Variants in CSMD1 observed in about 807,000 individuals in gnomAD.
The protein encoded by CSMD1 is CUB and sushi domain-containing protein 1.
Under a neutral mutation model 417.5 loss-of-function variants are expected in CSMD1, and 213 were observed. The observed-to-expected ratio is 0.51, with a 90% CI of 0.46 to 0.57. The LOEUF (loss-of-function observed/expected upper bound fraction) is 0.57. Ranked by LOEUF, CSMD1 falls within the 20% of genes least tolerant of loss-of-function variation. CSMD1 has a pLI of 0.00. For synonymous variants in CSMD1, 2,862 were observed against 1,736.8 expected (o/e 1.65, Z -16.11); for missense variants, 6,923 against 4,529.7 (o/e 1.53, Z -15.17).
chr8:3,293,829 G>T (rs1477154864), intron 25 of CSMD1, among the ~76,000 whole-genome samples: 4 of 152,188 alleles, frequency 2.6e-5, no homozygotes, highest in African/African-American at 9.7e-5. Context: ...CTCTCAACTT[G>T]TCAAAGTCAT....
chr8:4,586,141 G>C (rs1483201650), intron 2 of CSMD1, among the ~76,000 whole-genome samples: 1 of 152,142 alleles, frequency 6.6e-6, no homozygotes, highest in East Asian at 1.9e-4. Flanking sequence ...TCAAGCATTT[G>C]CCATTTCTTT....
intron 3 of CSMD1, among the ~76,000 whole-genome samples, chr8:4,269,977 G>T (rs2128850423): frequency 6.6e-6 from 1 of 152,212 alleles, no homozygotes; most frequent in Admixed American, 6.5e-5. Flanking sequence ...ACAGCAAAAT[G>T]TTGACCTGAG....
At chr8:3,862,062 C>G (rs1383068843) in intron 5 of CSMD1, among the ~76,000 whole-genome samples, 1 of 152,192 alleles carries the variant, frequency 6.6e-6, no homozygotes, top group Non-Finnish European at 1.5e-5. Context: ...AGTTTTCTCT[C>G]CCATGTGCCT....
At chr8:4,468,402 T>C (rs62479671) in intron 2 of CSMD1, among the ~76,000 whole-genome samples, 14,278 of 152,288 alleles carry the variant, frequency 0.094, 1,010 homozygotes, top group East Asian at 0.28. Context: ...TTTAAACCTT[T>C]AGCAGGGTAG....
intron 1 of CSMD1, among the ~76,000 whole-genome samples, chr8:4,692,753 C>T (rs1190564210): frequency 6.6e-6 from 1 of 152,174 alleles, no homozygotes; most frequent in Non-Finnish European, 1.5e-5. Context: ...TCACATCATG[C>T]CTAATTCTAG....
intron 23 of CSMD1, among the ~76,000 whole-genome samples, chr8:3,326,099 T>C (rs1333851767): frequency 6.6e-6 from 1 of 152,210 alleles, no homozygotes; most frequent in Non-Finnish European, 1.5e-5. Context: ...AGCCACAGAA[T>C]GCTTGGCTTC....
chr8:4,480,631 G>C (rs1563219144), intron 2 of CSMD1, among the ~76,000 whole-genome samples: 1 of 152,156 alleles, frequency 6.6e-6, no homozygotes. Flanking sequence ...CACGTCTGTG[G>C]GCCATTCTCT....
intron 5 of CSMD1, among the ~76,000 whole-genome samples, chr8:3,754,838 T>A (rs1014814177): frequency 3.3e-5 from 5 of 152,280 alleles, no homozygotes; most frequent in South Asian, 2.1e-4. Flanking sequence ...ATTCCCAGCA[T>A]CCCATTTGCA....
At chr8:3,251,749 G>C (rs932708345) in intron 26 of CSMD1, among the ~76,000 whole-genome samples, 1 of 152,106 alleles carries the variant, frequency 6.6e-6, no homozygotes, top group Non-Finnish European at 1.5e-5. Context: ...TTGAGCAGTG[G>C]ATTGTAGTTC....
At chr8:3,666,010 C>A (rs1333671832) in intron 7 of CSMD1, among the ~76,000 whole-genome samples, 4 of 152,192 alleles carry the variant, frequency 2.6e-5, no homozygotes, top group Non-Finnish European at 5.9e-5. Flanking sequence ...CCTCCTGCCT[C>A]AGCCTCCACG....
In CSMD1 at chr8:2,938,338, G is replaced by T; in HGVS notation, c.*247C>A. 1 of 438,800 alleles carries T rather than the reference G, an allele frequency of 2.3e-6. No individual in the cohort carries two copies. Among genetic ancestry groups the T allele is most frequent in the Non-Finnish European group, 4.0e-6 (1 of 248,480 alleles). The allele number at this position is 438,800 out of a possible 1,614,324, so 27.2% of individuals were successfully genotyped here. A position where few individuals can be genotyped will look rare whatever the true frequency, so the allele number is the denominator to read the frequency against. ...TGGCAGTCTTCCTGGAGTGTGCCTT[G>T]ATTTCATACAGATGCAGCCAGGCAT... On this transcript the variant is annotated 3_prime_UTR_variant, in exon 70 of 70. Coordinates refer to ENST00000635120, the MANE Select transcript of CSMD1 (RefSeq NM_033225.6).
chr8:4,984,861 G>T (rs1811090029), intron 1 of CSMD1, among the ~76,000 whole-genome samples: 1 of 152,030 alleles, frequency 6.6e-6, no homozygotes, highest in Non-Finnish European at 1.5e-5. Context: ...CCCCTGGGTG[G>T]AGATCTAAGA....
intron 40 of CSMD1, among the ~76,000 whole-genome samples, chr8:3,143,669 C>G (rs1162471556): frequency 6.6e-6 from 1 of 152,186 alleles, no homozygotes; most frequent in African/African-American, 2.4e-5. Context: ...ACTGAGCCAA[C>G]TAACAGCAGT....
At chr8:4,581,349 T>A (rs10104931) in intron 2 of CSMD1, among the ~76,000 whole-genome samples, 4,424 of 152,274 alleles carry the variant, frequency 0.029, 236 homozygotes, top group African/African-American at 0.1. Flanking sequence ...TTTAATTAAA[T>A]CTTACTACCT....
At chr8:4,419,758 G>A (rs73658874) in intron 3 of CSMD1, among the ~76,000 whole-genome samples, 195 bp downstream of exon 3, 19 of 152,286 alleles carry the variant, frequency 1.2e-4, no homozygotes, top group Middle Eastern at 3.4e-3. Context: ...AGAAAATTGT[G>A]AACACGTTTT....
intron 10 of CSMD1, among the ~76,000 whole-genome samples, chr8:3,512,449 C>A (rs1797115689): frequency 6.6e-6 from 1 of 152,004 alleles, no homozygotes; most frequent in Non-Finnish European, 1.5e-5. Flanking sequence ...TAATCCTGAG[C>A]AATGTGCCCA....
Position 3,455,044 on chromosome 8 carries a change from C to T in CSMD1, c.1561+13668G>A, listed in dbSNP as rs1021877805. ...TCTTTTTTCTCTAAACTTCTCCTCT[C>T]GCTTCATTTCATTCATTTGATCTTC... On this transcript the variant is annotated intron_variant, in intron 12 of 69. Coordinates refer to ENST00000635120, the MANE Select transcript of CSMD1 (RefSeq NM_033225.6). 5.9e-5 allele frequency among the ~76,000 whole-genome samples: 9 copies of T among 152,306 alleles called. No individual in the cohort carries two copies. In the East Asian group the frequency reaches 7.7e-4, roughly 13 times the overall value.
At chr8:4,929,283 A>T (rs754296025) in intron 1 of CSMD1, among the ~76,000 whole-genome samples, 3 of 152,126 alleles carry the variant, frequency 2.0e-5, no homozygotes, top group Non-Finnish European at 4.4e-5. Context: ...GTCGTTGTGG[A>T]CTTCCAGCCT....
At chr8:3,725,435 C>A (rs532043543) in intron 6 of CSMD1, among the ~76,000 whole-genome samples, 2 of 152,086 alleles carry the variant, frequency 1.3e-5, no homozygotes, top group Non-Finnish European at 2.9e-5. Flanking sequence ...AGATTTGGGA[C>A]CAAAGCTGAA....
Sources: allele counts gnomAD v4.1 joint callset (sites outside exome capture counted in the v4.1 genomes callset), GRCh38; gene constraint gnomAD v4.1.1; transcripts MANE v1.5; gene names NCBI Gene and HGNC (gene_info 2026-07-23, HGNC 2026-07-21).